Variants in ADAMTSL1 observed in about 807,000 individuals in gnomAD.
The protein encoded by ADAMTSL1 is ADAMTS like 1, also known as ADAMTS-like protein 1.
Under a neutral mutation model 201.8 loss-of-function variants are expected in ADAMTSL1, and 126 were observed. That is an observed-to-expected ratio of 0.62 (90% CI 0.54 to 0.72). The LOEUF is 0.72. ADAMTSL1 is among the 30% of genes least tolerant of loss of function. The probability of loss-of-function intolerance (pLI) is 0.00; values close to 1 mark genes in which losing one functional copy is unlikely to be tolerated. For synonymous variants in ADAMTSL1, 1,121 were observed against 903.4 expected (o/e 1.24, Z -4.32); for missense variants, 2,679 against 2,277.8 (o/e 1.18, Z -3.59).
intron 2 of ADAMTSL1, among the ~76,000 whole-genome samples, chr9:18,244,090 TG>T (rs1461371095): frequency 2.8e-4 from 7 of 24,664 alleles, no homozygotes; most frequent in African/African-American, 7.9e-4. Flanking sequence ...AATGATTTTG[TG>T]TGTGTGTGTG....
chr9:18,753,175 C>A, intron 15 of ADAMTSL1, 123 bp from the exon 16 acceptor site: 1 of 890,740 alleles, frequency 1.1e-6, no homozygotes. Flanking sequence ...GAGCTGCCAG[C>A]CAATCTTGGG....
chr9:18,249,821 C>G (rs528545205), intron 2 of ADAMTSL1, among the ~76,000 whole-genome samples: 1 of 152,096 alleles, frequency 6.6e-6, no homozygotes, highest in African/African-American at 2.4e-5. Flanking sequence ...AGGGAGAGTT[C>G]AGGGCAGAGA....
chr9:18,061,914 T>C (rs1262604385), intron 1 of ADAMTSL1, among the ~76,000 whole-genome samples: 1 of 152,192 alleles, frequency 6.6e-6, no homozygotes, highest in Non-Finnish European at 1.5e-5. Context: ...TGATTGAGCA[T>C]TTGTGCAAAG....
chr9:18,201,642 G>C (rs980961200), intron 2 of ADAMTSL1, among the ~76,000 whole-genome samples: 1 of 152,006 alleles, frequency 6.6e-6, no homozygotes, highest in African/African-American at 2.4e-5. Context: ...TCAGGGCTTT[G>C]TAAATATAAA....
At chr9:18,000,662 A>G (rs755396886) in intron 1 of ADAMTSL1, among the ~76,000 whole-genome samples, 1 of 152,066 alleles carries the variant, frequency 6.6e-6, no homozygotes, top group Non-Finnish European at 1.5e-5. Flanking sequence ...TACTTATATC[A>G]TGTAGCACTG....
Position 18,525,184 on chromosome 9 carries a change from C to T in ADAMTSL1, c.192-8063C>T, listed in dbSNP as rs191260637. On this transcript the variant is annotated intron_variant, in intron 2 of 28. Transcript: ENST00000380548. ...TTTAGTCTTGGGAGGGTGTATGTGT[C>T]CAGGAATTTATCCACTTCTTCTAGA... 3.6e-3 allele frequency among the ~76,000 whole-genome samples: 550 copies of T among 152,218 alleles called. 3 individuals are homozygous for T. Among genetic ancestry groups the T allele is most frequent in the African/African-American group, 0.01 (423 of 41,536 alleles).
chr9:18,090,722 C>G (rs1823975264), intron 1 of ADAMTSL1, among the ~76,000 whole-genome samples: 1 of 152,230 alleles, frequency 6.6e-6, no homozygotes, highest in South Asian at 2.1e-4. Context: ...GAACTGTACA[C>G]TAAAAAATGG....
intron 2 of ADAMTSL1, among the ~76,000 whole-genome samples, chr9:18,181,685 G>A (rs1359533105): frequency 6.6e-6 from 1 of 151,962 alleles, no homozygotes; most frequent in Admixed American, 6.6e-5. Flanking sequence ...TTACACTGTT[G>A]GTGGGACTGT....
At chr9:18,145,284 G>A (rs776907590) in intron 1 of ADAMTSL1, among the ~76,000 whole-genome samples, 19 of 152,164 alleles carry the variant, frequency 1.2e-4, no homozygotes, top group Non-Finnish European at 1.9e-4. Flanking sequence ...CACAATTGCT[G>A]TGACCATTTG....
chr9:18,272,142 T>C (rs1246477765), intron 2 of ADAMTSL1, among the ~76,000 whole-genome samples: 2 of 152,198 alleles, frequency 1.3e-5, no homozygotes, highest in Non-Finnish European at 1.5e-5. Context: ...TTCACTCTGA[T>C]GGTAGTTTCT....
intron 7 of ADAMTSL1, 106 bp downstream of exon 7, chr9:18,639,517 C>T (rs1827314235): frequency 7.5e-7 from 1 of 1,341,332 alleles, no homozygotes; most frequent in Admixed American, 2.4e-5. Context: ...GTTTGGAAAG[C>T]CCGTTTGTTA....
At chr9:18,122,573 A>C (rs1825548157) in intron 1 of ADAMTSL1, among the ~76,000 whole-genome samples, 1 of 152,180 alleles carries the variant, frequency 6.6e-6, no homozygotes, top group Non-Finnish European at 1.5e-5. Flanking sequence ...TAAATGGCCT[A>C]AGTTTTCTGT....
chr9:18,716,430 C>T (rs1374644229), intron 14 of ADAMTSL1, among the ~76,000 whole-genome samples: 1 of 152,086 alleles, frequency 6.6e-6, no homozygotes, highest in Non-Finnish European at 1.5e-5. Context: ...GGGCAAAGGA[C>T]ATGAACACAG....
chr9:18,529,550 G>T (rs529405647), intron 2 of ADAMTSL1, among the ~76,000 whole-genome samples: 19 of 152,274 alleles, frequency 1.2e-4, no homozygotes, highest in African/African-American at 4.1e-4. Flanking sequence ...TTTGCGAGTT[G>T]TTGGAAGATT....
At chr9:18,053,067 A>G (rs1193602841) in intron 1 of ADAMTSL1, among the ~76,000 whole-genome samples, 1 of 152,250 alleles carries the variant, frequency 6.6e-6, no homozygotes, top group Non-Finnish European at 1.5e-5. Context: ...GTCAAAATCA[A>G]AATCCATAAA....
chr9:18,062,816 G>T (rs1278131987), intron 1 of ADAMTSL1, among the ~76,000 whole-genome samples: 1 of 152,060 alleles, frequency 6.6e-6, no homozygotes, highest in Admixed American at 6.6e-5. Context: ...TTTTCCCTCT[G>T]ATTTATGGTT....
At chr9:18,312,070 T>C (rs941486997) in intron 2 of ADAMTSL1, among the ~76,000 whole-genome samples, 10 of 152,174 alleles carry the variant, frequency 6.6e-5, no homozygotes, top group African/African-American at 2.4e-4. Flanking sequence ...AAATGTGCAG[T>C]ATTCAGGCAA....
intron 2 of ADAMTSL1, among the ~76,000 whole-genome samples, chr9:18,251,053 C>G (rs1262707260): frequency 1.3e-5 from 2 of 151,938 alleles, no homozygotes; most frequent in African/African-American, 4.8e-5. Flanking sequence ...CAGCACAGAA[C>G]TGTCAGGAAG....
chr9:18,422,129 G>C (rs1435212309), intron 2 of ADAMTSL1, among the ~76,000 whole-genome samples: 3 of 151,866 alleles, frequency 2.0e-5, no homozygotes, highest in South Asian at 4.2e-4. Flanking sequence ...AAATCTCCCT[G>C]GTGATTTTCT....
Sources: gnomAD v4.1 joint callset for allele counts (sites outside exome capture counted in the v4.1 genomes callset) on GRCh38, gnomAD v4.1.1 for gene constraint, MANE v1.5 for transcripts, NCBI Gene and HGNC (gene_info 2026-07-23, HGNC 2026-07-21) for gene names.